SEMA3D: variants seen among roughly 807,000 people sequenced by gnomAD.
SEMA3D encodes the protein semaphorin 3D.
Under a neutral mutation model 100.1 loss-of-function variants are expected in SEMA3D, and 84 were observed. The ratio of observed to expected loss-of-function variants is 0.84; its 90% confidence interval spans 0.70 to 1.01. The LOEUF (loss-of-function observed/expected upper bound fraction) is 1.01, where lower values mean the gene tolerates loss of function less well. Among genes scored for constraint, SEMA3D ranks in the 50% least tolerant of loss-of-function variants. SEMA3D has a pLI of 0.00. For missense variants in SEMA3D, 875 were observed against 934.1 expected (o/e 0.94, Z 0.82); for synonymous variants, 312 against 320.7 (o/e 0.97, Z 0.29).
chr7:85,026,263 T>G (rs1339476944), intron 12 of SEMA3D, among the ~76,000 whole-genome samples: 1 of 151,950 alleles, frequency 6.6e-6, no homozygotes. Context: ...CCTCAGTAAT[T>G]TAGAGAGATG....
At chr7:85,041,842 A>G (rs12113270) in intron 10 of SEMA3D, 59,517 of 225,994 alleles carry the variant, frequency 0.26, 8,087 homozygotes, top group Non-Finnish European at 0.3. Flanking sequence ...TCCTACCTAT[A>G]GAAGGTGGCT....
intron 2 of SEMA3D, chr7:85,141,087 A>G: frequency 1.0e-6 from 1 of 953,230 alleles, no homozygotes; most frequent in Non-Finnish European, 1.2e-6. Context: ...TTCAGTTCAC[A>G]TTAAAAATTT....
chr7:85,232,324 T>A, the SEMA3D span, among the ~76,000 whole-genome samples: 1 of 152,236 alleles, frequency 6.6e-6, no homozygotes, highest in African/African-American at 2.4e-5. Flanking sequence ...CACCATTACA[T>A]CATCCAGAAG....
chr7:85,061,663 T>C (rs1349703711), intron 8 of SEMA3D, among the ~76,000 whole-genome samples: 1 of 152,172 alleles, frequency 6.6e-6, no homozygotes, highest in Non-Finnish European at 1.5e-5. Context: ...AAATGTTCTC[T>C]GAGCAAGCCA....
intron 3 of SEMA3D, among the ~76,000 whole-genome samples, chr7:85,120,485 C>T (rs550217705): frequency 1.3e-4 from 20 of 151,610 alleles, no homozygotes; most frequent in African/African-American, 3.9e-4. Flanking sequence ...CTGGCCAACA[C>T]GGTGAAACCC....
At chr7:85,047,986 T>G (rs971400928) in intron 9 of SEMA3D, among the ~76,000 whole-genome samples, 7 of 151,776 alleles carry the variant, frequency 4.6e-5, no homozygotes, top group Non-Finnish European at 1.0e-4. Context: ...GCTTATAGAT[T>G]TTAGTTTGAA....
intron 1 of SEMA3D, among the ~76,000 whole-genome samples, chr7:85,161,575 C>T (rs1790746791): frequency 6.6e-6 from 1 of 151,940 alleles, no homozygotes; most frequent in Non-Finnish European, 1.5e-5. Context: ...GGGAGAGTTG[C>T]AAGAAGCAGG....
At chr7:85,217,533 A>T in the SEMA3D span, among the ~76,000 whole-genome samples, 1 of 152,090 alleles carries the variant, frequency 6.6e-6, no homozygotes, top group Non-Finnish European at 1.5e-5. Flanking sequence ...AGTGAAGAAA[A>T]GTTGGCATCA....
the SEMA3D span, among the ~76,000 whole-genome samples, chr7:85,229,649 T>C: frequency 6.6e-6 from 1 of 152,116 alleles, no homozygotes; most frequent in Non-Finnish European, 1.5e-5. Flanking sequence ...TCATTTTATC[T>C]TAGCAGCATT....
chr7:85,083,853 A>C (rs1788138660), intron 4 of SEMA3D, among the ~76,000 whole-genome samples: 2 of 116,844 alleles, frequency 1.7e-5, no homozygotes, highest in Admixed American at 8.8e-5. Context: ...TCTCAAAAAA[A>C]AAAAATTGCA....
At chr7:85,240,203 G>T in the SEMA3D span, among the ~76,000 whole-genome samples, 1 of 152,030 alleles carries the variant, frequency 6.6e-6, no homozygotes, top group Non-Finnish European at 1.5e-5. Flanking sequence ...AGTTTGCTGA[G>T]GGTGAGTGTT....
At chr7:85,172,543 A>G (rs1791113091) in intron 1 of SEMA3D, among the ~76,000 whole-genome samples, 1 of 152,028 alleles carries the variant, frequency 6.6e-6, no homozygotes, top group African/African-American at 2.4e-5. Context: ...ACAAAGATGT[A>G]CTTTGCACAT....
rs192896452 is a variant in SEMA3D at position 85,148,231 on chromosome 7, C to G, written c.-41+5377G>C. Among the ~76,000 whole-genome samples, 1,074 of 152,200 alleles carry G rather than the reference C, an allele frequency of 7.1e-3. 10 individuals carry two copies. The highest frequency in any genetic ancestry group is 0.024 in the African/African-American group (991 of 41,540). ...TAATGATGATCATTAATTAACCCTC[C>G]CTGAGATCTGTGAGAATTCTCTGTC... On this transcript the variant is annotated intron_variant, in intron 2 of 18. Transcript: ENST00000284136.
chr7:85,121,785 C>G lies in SEMA3D; in HGVS notation c.107G>C (p.Gly36Ala), dbSNP rs1789420697. The change falls in exon 3 of 19, where the codon GGC becomes GCC. Residue 36 changes from glycine to alanine, a missense_variant. Transcript: ENST00000284136. ...TCTTGGAATATTTTGCTTCAAAGTG[C>G]CAGTGACTGGAAGAAACAACATGGT... is the stretch of plus-strand genomic sequence containing the variant. ...SMTMLFLPVT[G>A]TLKQNIPRLK... 1 of 1,606,884 alleles carries G rather than the reference C, an allele frequency of 6.2e-7. No individual in the cohort carries two copies. The highest frequency in any genetic ancestry group is 1.7e-5 in the Admixed American group (1 of 59,074).
At chr7:85,135,903 A>C (rs1789851814) in intron 2 of SEMA3D, among the ~76,000 whole-genome samples, 1 of 151,990 alleles carries the variant, frequency 6.6e-6, no homozygotes, top group African/African-American at 2.4e-5. Flanking sequence ...ACAAAGCATA[A>C]AATTAAGTAG....
chr7:85,117,919 C>A (rs540189685), intron 3 of SEMA3D, among the ~76,000 whole-genome samples: 45 of 150,598 alleles, frequency 3.0e-4, no homozygotes, highest in African/African-American at 1.0e-3. Context: ...ATATAGATAT[C>A]TTTTTAAAAC....
At chr7:85,243,241 G>T in the SEMA3D span, among the ~76,000 whole-genome samples, 5 of 152,220 alleles carry the variant, frequency 3.3e-5, no homozygotes, top group African/African-American at 9.6e-5. Flanking sequence ...TTTCAAAATG[G>T]TTTGCTTTTC....
At chr7:85,162,921 GA>G (rs1790786318) in intron 1 of SEMA3D, among the ~76,000 whole-genome samples, 1 of 152,118 alleles carries the variant, frequency 6.6e-6, no homozygotes, top group African/African-American at 2.4e-5. Flanking sequence ...AGACTCCTTG[GA>G]AGACAGAAGT....
intron 4 of SEMA3D, among the ~76,000 whole-genome samples, chr7:85,097,274 G>A (rs1438028927): frequency 1.3e-5 from 2 of 151,682 alleles, no homozygotes; most frequent in African/African-American, 2.4e-5. Context: ...CCATAGTTGG[G>A]GAATTATTTA....
Sources: allele counts gnomAD v4.1 joint callset (sites outside exome capture counted in the v4.1 genomes callset), GRCh38; gene constraint gnomAD v4.1.1; transcripts MANE v1.5; gene names NCBI Gene and HGNC (gene_info 2026-07-23, HGNC 2026-07-21).